Variants in DEPDC1 observed in about 807,000 individuals in gnomAD.
DEPDC1 encodes DEP domain-containing protein 1A.
DEPDC1 carries 66 observed loss-of-function variants against 86.8 expected under a neutral mutation model. That is an observed-to-expected ratio of 0.76 (90% CI 0.62 to 0.93). The LOEUF (loss-of-function observed/expected upper bound fraction) is 0.93. DEPDC1 is among the 40% of genes least tolerant of loss of function. The pLI is 0.00. For synonymous variants in DEPDC1, 255 were observed against 314.9 expected (o/e 0.81, Z 2.02); for missense variants, 792 against 935.7 (o/e 0.85, Z 2.00).
rs1646111045 is a variant in DEPDC1, at chr1:68,475,814, T to C, written c.*1118A>G. 1 of 151,892 alleles carries C rather than the reference T, an allele frequency of 6.6e-6. No homozygotes were observed. The highest frequency in any genetic ancestry group is 1.9e-4 in the East Asian group (1 of 5,184). The allele number at this position is 151,892 out of a possible 1,614,324, so 9.4% of individuals were successfully genotyped here. ...CAATGTGCCATTATCTTGACACTTA[T>C]AAAAATGTTTATAAAAAGCATTTAG... On this transcript the variant is annotated 3_prime_UTR_variant, in exon 12 of 12. Coordinates refer to ENST00000456315, the MANE Select transcript of DEPDC1 (RefSeq NM_001114120.3).
intron 7 of DEPDC1, 113 bp from the exon 8 acceptor site, chr1:68,483,010 G>T: frequency 1.8e-6 from 2 of 1,124,452 alleles, no homozygotes; most frequent in Non-Finnish European, 2.5e-6. Flanking sequence ...TATATTGTTA[G>T]TATAGTATAC....
At position 68,486,811 on chromosome 1, in the gene DEPDC1, G is replaced by T. The variant is rs1458962211; in HGVS notation, c.769+126C>A. On this transcript the variant is annotated intron_variant, in intron 6 of 11. Transcript: ENST00000456315. ...CTAGACTTTCATTTATAAATAAAGA[G>T]AAATGATATACTTTAATTTTATCAG... 9 of 1,074,678 alleles carry T rather than the reference G, an allele frequency of 8.4e-6. No individual in the cohort carries two copies. The Admixed American group carries it at 1.6e-4, about 20-fold the overall frequency. 66.6% of individuals were successfully genotyped at this position (1,074,678 alleles called of 1,614,324 possible). A position where few individuals can be genotyped will look rare whatever the true frequency, so the allele number is the denominator to read the frequency against.
At chr1:68,485,023 T>C (rs1031181063) in intron 6 of DEPDC1, among the ~76,000 whole-genome samples, 17 of 151,700 alleles carry the variant, frequency 1.1e-4, no homozygotes, top group African/African-American at 3.9e-4. Context: ...TGCATCTAGG[T>C]TTTAGAGCCA....
rs1646109658 is a variant in DEPDC1 at position 68,475,562 on chromosome 1, T to C, written c.*1370A>G. ...TATAGAGAAACAGTATGAAATTACA[T>C]TGAGAAATGAGAACAGTCATTAAAC... On this transcript the variant is annotated 3_prime_UTR_variant, in exon 12 of 12. Transcript: ENST00000456315. 6.6e-6 allele frequency: 1 copy of C among 151,782 alleles called. No individual in the cohort carries two copies. The highest frequency in any genetic ancestry group is 1.5e-5 in the Non-Finnish European group (1 of 67,824). 9.4% of individuals were successfully genotyped at this position (151,782 alleles called of 1,614,324 possible).
rs752047357 is a variant in DEPDC1, at chr1:68,476,860, G to A, written c.*72C>T. The A allele has an allele frequency of 5.1e-4, 664 of 1,290,216 alleles. No individual in the cohort carries two copies. The highest frequency in any genetic ancestry group is 6.6e-4 in the Non-Finnish European group (629 of 957,124). The allele number at this position is 1,290,216 out of a possible 1,614,324, so 79.9% of individuals were successfully genotyped here. On this transcript the variant is annotated 3_prime_UTR_variant, in exon 12 of 12. Coordinates refer to ENST00000456315, the MANE Select transcript of DEPDC1 (RefSeq NM_001114120.3). The stretch of plus-strand genomic sequence containing the variant: ...TTATTAATGACAGACTTCCTTTTGA[G>A]TAGCTACATTCTCAGATATGGCTTC...
chr1:68,484,318 T>C (rs1646177915), intron 6 of DEPDC1, among the ~76,000 whole-genome samples: 1 of 152,046 alleles, frequency 6.6e-6, no homozygotes, highest in Non-Finnish European at 1.5e-5. Flanking sequence ...TGAAAAATCA[T>C]ACATAAAGCA....
chr1:68,494,818 A>T, intron 1 of DEPDC1, 123 bp from the exon 2 acceptor site: 2 of 841,874 alleles, frequency 2.4e-6, no homozygotes, highest in Non-Finnish European at 1.8e-6. Context: ...AAAATTCTTG[A>T]AGAATCATTC....
chr1:68,485,595 A>G (rs1646187950), intron 6 of DEPDC1, among the ~76,000 whole-genome samples: 1 of 152,120 alleles, frequency 6.6e-6, no homozygotes, highest in East Asian at 1.9e-4. Flanking sequence ...GAGAAGGAAG[A>G]CAGAATCCCT....
intron 1 of DEPDC1, among the ~76,000 whole-genome samples, chr1:68,495,003 A>G (rs1030560351): frequency 3.3e-5 from 5 of 152,144 alleles, no homozygotes; most frequent in Admixed American, 3.3e-4. Context: ...TTAGCTGGGC[A>G]TAGTGGTGCA....
In DEPDC1 at chr1:68,489,027, C is replaced by A. The variant is rs1171175301; in HGVS notation, c.479G>T (p.Gly160Val). ...RHGLHLSQEN[G>V]EKIKHEIINE... ...GATTATTTCATGCTTTATTTTCTCGCCATTTTCCTGAAAAAAGGATTATTT... is the reference window on the plus strand; with the variant it reads ...GATTATTTCATGCTTTATTTTCTCGACATTTTCCTGAAAAAAGGATTATTT... The change falls in exon 4 of 12, where the codon GGC becomes GTC. Residue 160 changes from glycine to valine, a missense_variant. Gly to Val is a moderately radical substitution (Grantham distance 109). Transcript: ENST00000456315. 6.3e-7 allele frequency: 1 copy of A among 1,593,864 alleles called. No homozygotes were observed. The highest frequency in any genetic ancestry group is 1.1e-5 in the South Asian group (1 of 90,134).
Position 68,482,736 on chromosome 1 carries a change from C to T in DEPDC1, c.1072G>A (p.Glu358Lys), listed in dbSNP as rs764822761. 6.2e-7 allele frequency: 1 copy of T among 1,612,464 alleles called. No homozygotes were observed. The highest frequency in any genetic ancestry group is 1.7e-5 in the Admixed American group (1 of 59,752). ...TGTAGTCTCTCAGTAGAATCTGATT[C>T]TTCTTTGTTTTTTTCTCTATGAAGC... ...SLLHREKNKEESDSTERLQIS... is the reference protein window; with the variant it reads ...SLLHREKNKEKSDSTERLQIS... The change falls in exon 8 of 12, where the codon GAA becomes AAA. Residue 358 changes from glutamate (E) to lysine (K), a missense_variant. Glu to Lys is a moderately conservative substitution (Grantham distance 56, BLOSUM62 1). Coordinates refer to ENST00000456315, the MANE Select transcript of DEPDC1 (RefSeq NM_001114120.3).
At chr1:68,484,660 A>C (rs1646179722) in intron 6 of DEPDC1, among the ~76,000 whole-genome samples, 1 of 152,020 alleles carries the variant, frequency 6.6e-6, no homozygotes, top group Non-Finnish European at 1.5e-5. Flanking sequence ...AAGATGAAAA[A>C]GACTCTGGTA....
chr1:68,488,182 A>G (rs961986998), intron 5 of DEPDC1, among the ~76,000 whole-genome samples, 192 bp downstream of exon 5: 1 of 151,848 alleles, frequency 6.6e-6, no homozygotes, highest in African/African-American at 2.4e-5. Context: ...AGCAGACAAA[A>G]TATTTCTTAT....
intron 2 of DEPDC1, among the ~76,000 whole-genome samples, chr1:68,493,852 T>C (rs188927488): frequency 3.4e-4 from 52 of 152,152 alleles, no homozygotes; most frequent in Non-Finnish European, 6.9e-4. Context: ...TGTGTGCTAC[T>C]ACACCCAACT....
intron 2 of DEPDC1, among the ~76,000 whole-genome samples, chr1:68,490,839 T>C (rs1646224842): frequency 6.6e-6 from 1 of 151,980 alleles, no homozygotes; most frequent in African/African-American, 2.4e-5. Context: ...AACCAACACA[T>C]AGACTAATGA....
chr1:68,484,782 C>T (rs1646181993), intron 6 of DEPDC1, among the ~76,000 whole-genome samples: 1 of 151,786 alleles, frequency 6.6e-6, no homozygotes, highest in Non-Finnish European at 1.5e-5. Context: ...CAGAATCATC[C>T]AATGTGCCTA....
At chr1:68,481,878 G>GT in intron 8 of DEPDC1, 168 bp downstream of exon 8, 1 of 714,162 alleles carries the variant, frequency 1.4e-6, no homozygotes, top group African/African-American at 1.8e-5. Flanking sequence ...AGTTCCTTAG[G>GT]TAAACAGAAT....
chr1:68,477,632 C>T (rs569997156), intron 11 of DEPDC1, among the ~76,000 whole-genome samples, 155 bp downstream of exon 11: 67 of 151,770 alleles, frequency 4.4e-4, no homozygotes, highest in Middle Eastern at 3.4e-3. Flanking sequence ...TTTAGGTTAA[C>T]GCACATATAC....
chr1:68,493,927 A>T (rs1006082000), intron 2 of DEPDC1, among the ~76,000 whole-genome samples: 1 of 152,078 alleles, frequency 6.6e-6, no homozygotes, highest in Admixed American at 6.5e-5. Context: ...TCAAACTCCT[A>T]GCTTCAAGTT....
Sources: gnomAD v4.1 joint callset for allele counts (sites outside exome capture counted in the v4.1 genomes callset) on GRCh38, gnomAD v4.1.1 for gene constraint, MANE v1.5 for transcripts, NCBI Gene and HGNC (gene_info 2026-07-23, HGNC 2026-07-21) for gene names.